The following KIAA1217 variants were observed in gnomAD, a reference collection of about 807,000 sequenced individuals.
The protein encoded by KIAA1217 is KIAA1217, also known as sickle tail protein homolog.
In KIAA1217, 88 loss-of-function variants were observed where a neutral mutation model predicts 163.9. The observed-to-expected ratio is 0.54, with a 90% confidence interval of 0.45 to 0.64. The LOEUF is 0.64. Ranked by LOEUF, KIAA1217 falls within the 30% of genes least tolerant of loss-of-function variation. The pLI is 0.00. For synonymous variants in KIAA1217, 903 were observed against 923.1 expected (o/e 0.98, Z 0.39); for missense variants, 2,372 against 2,475.0 (o/e 0.96, Z 0.88).
At chr10:24,155,860 G>C (rs901524817) in intron 2 of KIAA1217, among the ~76,000 whole-genome samples, 1 of 152,042 alleles carries the variant, frequency 6.6e-6, no homozygotes, top group Non-Finnish European at 1.5e-5. Flanking sequence ...AACTGTCTCT[G>C]GGGATCATTT....
intron 1 of KIAA1217, among the ~76,000 whole-genome samples, chr10:23,851,700 C>T (rs1839336574): frequency 6.6e-6 from 1 of 152,140 alleles, no homozygotes; most frequent in Non-Finnish European, 1.5e-5. Context: ...TTAATGATTG[C>T]CATTCTAACT....
chr10:24,207,271 C>T (rs1286400951), upstream of KIAA1217, among the ~76,000 whole-genome samples: 11 of 107,620 alleles, frequency 1.0e-4, no homozygotes, highest in African/African-American at 4.6e-4. Flanking sequence ...CAGTGTTTCT[C>T]TCTCTCTCTC....
intron 2 of KIAA1217, among the ~76,000 whole-genome samples, chr10:24,150,867 G>A (rs1476852018): frequency 6.6e-6 from 1 of 152,190 alleles, no homozygotes; most frequent in African/African-American, 2.4e-5. Flanking sequence ...TGGAACTGAA[G>A]AGGGTTAGTT....
chr10:24,014,820 G>A (rs1055871698), intron 2 of KIAA1217, among the ~76,000 whole-genome samples: 7 of 152,044 alleles, frequency 4.6e-5, no homozygotes, highest in Non-Finnish European at 8.8e-5. Context: ...TGAGGGCTGA[G>A]AGTTTTTCTA....
chr10:24,139,765 G>A (rs554972609), intron 2 of KIAA1217, among the ~76,000 whole-genome samples: 2 of 151,898 alleles, frequency 1.3e-5, no homozygotes, highest in Non-Finnish European at 2.9e-5. Flanking sequence ...TTATCCATGG[G>A]GAATACATTC....
intron 1 of KIAA1217, among the ~76,000 whole-genome samples, chr10:23,883,796 A>G (rs1324212468): frequency 1.3e-5 from 2 of 151,496 alleles, no homozygotes; most frequent in Admixed American, 6.6e-5. Context: ...TCTCCCCCCA[A>G]CTCTTGACAA....
At chr10:24,352,416 C>T (rs2048563225) in intron 2 of KIAA1217, among the ~76,000 whole-genome samples, 1 of 152,184 alleles carries the variant, frequency 6.6e-6, no homozygotes, top group Non-Finnish European at 1.5e-5. Context: ...AAAAACCTTC[C>T]TTTGCCATTC....
chr10:23,954,516 G>C (rs779619702), intron 1 of KIAA1217, among the ~76,000 whole-genome samples: 1 of 151,934 alleles, frequency 6.6e-6, no homozygotes, highest in Non-Finnish European at 1.5e-5. Flanking sequence ...AGTGAGCCAT[G>C]AGCATGCCAC....
At chr10:23,744,301 C>A (rs1386962976) in intron 1 of KIAA1217, among the ~76,000 whole-genome samples, 1 of 152,078 alleles carries the variant, frequency 6.6e-6, no homozygotes, top group East Asian at 1.9e-4. Flanking sequence ...TTGGGTGACC[C>A]CAGAAGAGGA....
intron 1 of KIAA1217, among the ~76,000 whole-genome samples, chr10:23,950,712 G>A (rs1489327841): frequency 1.3e-5 from 2 of 152,060 alleles, no homozygotes; most frequent in Non-Finnish European, 2.9e-5. Flanking sequence ...AAAGGGATGG[G>A]GTGGGGATGG....
intron 2 of KIAA1217, among the ~76,000 whole-genome samples, chr10:24,264,354 A>T (rs980134538): frequency 2.0e-5 from 3 of 152,204 alleles, no homozygotes; most frequent in African/African-American, 7.2e-5. Context: ...TTTAAAAAAG[A>T]GCTGCCAGGG....
chr10:24,488,354 C>G (rs2065672484), intron 6 of KIAA1217, among the ~76,000 whole-genome samples: 1 of 152,004 alleles, frequency 6.6e-6, no homozygotes, highest in Non-Finnish European at 1.5e-5. Flanking sequence ...ATGAGATAGT[C>G]AAGAATTCCA....
At chr10:23,734,884 G>T (rs934866779) in intron 1 of KIAA1217, among the ~76,000 whole-genome samples, 2 of 151,974 alleles carry the variant, frequency 1.3e-5, no homozygotes, top group African/African-American at 4.8e-5. Context: ...GGTGTTTGTT[G>T]TACAGATTAT....
At chr10:23,718,908 A>G (rs534776145) in intron 1 of KIAA1217, among the ~76,000 whole-genome samples, 17 of 152,120 alleles carry the variant, frequency 1.1e-4, no homozygotes, top group African/African-American at 3.9e-4. Flanking sequence ...TGCAAACATA[A>G]TTAAAGACAA....
chr10:24,311,217 G>C (rs534687473), intron 2 of KIAA1217, among the ~76,000 whole-genome samples: 1 of 152,136 alleles, frequency 6.6e-6, no homozygotes, highest in African/African-American at 2.4e-5. Context: ...CCTCAGGATC[G>C]GACATGTGTT....
intron 1 of KIAA1217, among the ~76,000 whole-genome samples, chr10:23,885,158 G>C (rs932767224): frequency 1.1e-4 from 16 of 151,922 alleles, no homozygotes; most frequent in African/African-American, 3.9e-4. Flanking sequence ...AATAAAAATT[G>C]TATTTATTTA....
At chr10:23,753,290 G>T (rs1833744669) in intron 1 of KIAA1217, among the ~76,000 whole-genome samples, 1 of 152,202 alleles carries the variant, frequency 6.6e-6, no homozygotes, top group African/African-American at 2.4e-5. Flanking sequence ...GACATCCTCA[G>T]TATGAGGATT....
intron 1 of KIAA1217, among the ~76,000 whole-genome samples, chr10:23,863,856 C>A (rs1840062944): frequency 6.6e-6 from 1 of 152,112 alleles, no homozygotes; most frequent in South Asian, 2.1e-4. Context: ...TTATATTACA[C>A]TCTGGCCATA....
chr10:23,961,589 TTAAAA>T (rs978046398), intron 1 of KIAA1217, among the ~76,000 whole-genome samples: 5 of 152,208 alleles, frequency 3.3e-5, no homozygotes, highest in African/African-American at 1.2e-4. Flanking sequence ...TAAACTATCT[TTAAAA>T]TAACCCTTCA....
Sources: allele counts gnomAD v4.1 joint callset (sites outside exome capture counted in the v4.1 genomes callset), GRCh38; gene constraint gnomAD v4.1.1; transcripts MANE v1.5; gene names NCBI Gene and HGNC (gene_info 2026-07-23, HGNC 2026-07-21).